SIPA1L1: variants seen among roughly 807,000 people sequenced by gnomAD.
The protein encoded by SIPA1L1 is signal induced proliferation associated 1 like 1, also known as signal-induced proliferation-associated 1-like protein 1.
In SIPA1L1, 26 loss-of-function variants were observed where a neutral mutation model predicts 162.7. The observed-to-expected ratio is 0.16, with a 90% CI of 0.12 to 0.22. SIPA1L1 has a LOEUF of 0.22. SIPA1L1 is among the 10% of genes least tolerant of loss of function. The pLI is 1.00. For missense variants in SIPA1L1, 1,874 were observed against 2,241.0 expected (o/e 0.84, Z 3.31); for synonymous variants, 829 against 837.4 (o/e 0.99, Z 0.17).
At chr14:71,602,411 G>A (rs2036880303) in intron 5 of SIPA1L1, among the ~76,000 whole-genome samples, 1 of 152,066 alleles carries the variant, frequency 6.6e-6, no homozygotes, top group African/African-American at 2.4e-5. Flanking sequence ...TTTCATTGTG[G>A]TCTCAGGAGA....
At chr14:71,622,409 A>T (rs2039545030) in intron 6 of SIPA1L1, among the ~76,000 whole-genome samples, 1 of 152,194 alleles carries the variant, frequency 6.6e-6, no homozygotes, top group Admixed American at 6.5e-5. Context: ...GTAAAAAATG[A>T]GCCATTCTTT....
intron 9 of SIPA1L1, 68 bp from the exon 10 acceptor site, chr14:71,661,242 A>G (rs2043482143): frequency 4.6e-6 from 7 of 1,526,814 alleles, no homozygotes; most frequent in South Asian, 1.2e-5. Context: ...ACAGCTATAT[A>G]AGGGAATTGG....
At chr14:71,731,867 C>A (rs2084818281) in intron 20 of SIPA1L1, among the ~76,000 whole-genome samples, 1 of 152,200 alleles carries the variant, frequency 6.6e-6, no homozygotes, top group African/African-American at 2.4e-5. Flanking sequence ...TGATTTCACC[C>A]CCTAACCAGG....
chr14:71,565,865 A>G (rs1033076841), intron 4 of SIPA1L1, among the ~76,000 whole-genome samples: 2 of 152,116 alleles, frequency 1.3e-5, no homozygotes, highest in Non-Finnish European at 2.9e-5. Flanking sequence ...CTATTTTTCC[A>G]TATTCCTCTG....
At chr14:71,330,625 G>A (rs1372586858) in intron 2 of SIPA1L1, 3 of 927,980 alleles carry the variant, frequency 3.2e-6, no homozygotes, top group Non-Finnish European at 5.4e-6. Flanking sequence ...GATGGTTTGG[G>A]GCGGAAACTG....
At chr14:71,417,499 A>AAAAAAAAAAAAAAT (rs2042883957) in intron 2 of SIPA1L1, among the ~76,000 whole-genome samples, 1 of 146,854 alleles carries the variant, frequency 6.8e-6, no homozygotes, top group Non-Finnish European at 1.5e-5. Flanking sequence ...AAAAAAAAAA[A>AAAAAAAAAAAAAAT]AAAAGAAAAT....
At chr14:71,543,246 T>TAA (rs542493373) in intron 4 of SIPA1L1, among the ~76,000 whole-genome samples, 105 of 152,356 alleles carry the variant, frequency 6.9e-4, no homozygotes, top group African/African-American at 2.4e-3. Flanking sequence ...AAGTTCTTTT[T>TAA]AAATTTGGGT....
intron 2 of SIPA1L1, among the ~76,000 whole-genome samples, chr14:71,339,380 T>G (rs74773154): frequency 3.4e-4 from 46 of 133,490 alleles, no homozygotes; most frequent in South Asian, 9.5e-4. Flanking sequence ...TTTTTTTTTT[T>G]GGGACAAAGT....
chr14:71,432,334 G>T (rs542545784), intron 2 of SIPA1L1, among the ~76,000 whole-genome samples: 2 of 152,140 alleles, frequency 1.3e-5, no homozygotes, highest in African/African-American at 4.8e-5. Flanking sequence ...CGGCCTCCCA[G>T]ATTGTTGAGA....
At chr14:71,373,968 C>T (rs1259636906) in intron 2 of SIPA1L1, among the ~76,000 whole-genome samples, 1 of 152,132 alleles carries the variant, frequency 6.6e-6, no homozygotes, top group Non-Finnish European at 1.5e-5. Context: ...AGTTTAGAGT[C>T]ATTCTGTTTG....
intron 3 of SIPA1L1, among the ~76,000 whole-genome samples, chr14:71,523,697 A>G (rs558359389): frequency 6.6e-6 from 1 of 152,326 alleles, no homozygotes; most frequent in South Asian, 2.1e-4. Context: ...GCATGTGTCC[A>G]TTAAAATTTT....
At chr14:71,432,557 A>C (rs2044072287) in intron 2 of SIPA1L1, among the ~76,000 whole-genome samples, 1 of 152,100 alleles carries the variant, frequency 6.6e-6, no homozygotes. Flanking sequence ...TTTATGTTTT[A>C]TGACTAGCTC....
At chr14:71,439,670 C>T (rs1471936236) in intron 2 of SIPA1L1, among the ~76,000 whole-genome samples, 1 of 152,076 alleles carries the variant, frequency 6.6e-6, no homozygotes, top group Non-Finnish European at 1.5e-5. Context: ...GTCTTTTTTC[C>T]CCTACATTTT....
chr14:71,470,550 T>C (rs2047372119), intron 2 of SIPA1L1, among the ~76,000 whole-genome samples: 1 of 152,178 alleles, frequency 6.6e-6, no homozygotes, highest in Non-Finnish European at 1.5e-5. Context: ...GAGTTGTATA[T>C]AACAAAGGGA....
At chr14:71,543,877 A>T (rs1416834728) in intron 4 of SIPA1L1, among the ~76,000 whole-genome samples, 1 of 146,212 alleles carries the variant, frequency 6.8e-6, no homozygotes, top group African/African-American at 2.5e-5. Context: ...ACGTATGTGT[A>T]TATATACATA....
intron 2 of SIPA1L1, among the ~76,000 whole-genome samples, chr14:71,432,479 G>C (rs1348085165): frequency 6.6e-6 from 1 of 152,202 alleles, no homozygotes; most frequent in Non-Finnish European, 1.5e-5. Context: ...AATCACACAA[G>C]GTAGTCAGAT....
At chr14:71,544,361 T>C (rs1379523907) in intron 4 of SIPA1L1, among the ~76,000 whole-genome samples, 1 of 151,662 alleles carries the variant, frequency 6.6e-6, no homozygotes, top group Non-Finnish European at 1.5e-5. Flanking sequence ...ATGTATCATA[T>C]GTGTATATAT....
intron 4 of SIPA1L1, among the ~76,000 whole-genome samples, chr14:71,567,389 GA>G (rs1036586199): frequency 6.6e-6 from 1 of 152,094 alleles, no homozygotes; most frequent in Non-Finnish European, 1.5e-5. Flanking sequence ...GCAAAAAATG[GA>G]AAAACAGAAG....
chr14:71,539,897 A>G (rs539296973), intron 4 of SIPA1L1, among the ~76,000 whole-genome samples: 24 of 152,318 alleles, frequency 1.6e-4, no homozygotes, highest in Middle Eastern at 3.4e-3. Context: ...ACTATTGTCT[A>G]TATTGTCAGC....
Sources: gnomAD v4.1 joint callset for allele counts (sites outside exome capture counted in the v4.1 genomes callset) on GRCh38, gnomAD v4.1.1 for gene constraint, MANE v1.5 for transcripts, NCBI Gene and HGNC (gene_info 2026-07-23, HGNC 2026-07-21) for gene names.